Variants in NDUFAF6 observed in about 807,000 individuals in gnomAD.
NDUFAF6 encodes NADH dehydrogenase (ubiquinone) complex I, assembly factor 6.
A neutral mutation model predicts 40.8 loss-of-function variants in NDUFAF6; 45 were observed. The ratio of observed to expected loss-of-function variants is 1.10; its 90% confidence interval spans 0.87 to 1.42. The LOEUF is 1.42. Ranked by LOEUF, NDUFAF6 falls within the 40% of genes most tolerant of loss-of-function variation. NDUFAF6 has a pLI of 0.00. For synonymous variants in NDUFAF6, 185 were observed against 155.9 expected (o/e 1.19, Z -1.39); for missense variants, 435 against 418.5 (o/e 1.04, Z -0.34).
intron 2 of NDUFAF6, among the ~76,000 whole-genome samples, chr8:95,083,664 T>C (rs551238513): frequency 1.3e-5 from 2 of 152,346 alleles, no homozygotes; most frequent in African/African-American, 4.8e-5. Flanking sequence ...GCAGTAAATA[T>C]GTACTTCTTT....
At chr8:94,967,372 C>A (rs1824089929) in intron 1 of NDUFAF6, among the ~76,000 whole-genome samples, 1 of 152,298 alleles carries the variant, frequency 6.6e-6, no homozygotes, top group African/African-American at 2.4e-5. Flanking sequence ...TTGCACACAT[C>A]ATCCACAGCA....
chr8:95,075,401 C>G (rs764619190), intron 9 of NDUFAF6, among the ~76,000 whole-genome samples: 2 of 152,166 alleles, frequency 1.3e-5, no homozygotes, highest in Non-Finnish European at 2.9e-5. Flanking sequence ...TTCAGTCTGT[C>G]AGGTCACCAG....
chr8:95,109,671 A>G (rs1168610525), intron 4 of NDUFAF6, among the ~76,000 whole-genome samples: 1 of 152,092 alleles, frequency 6.6e-6, no homozygotes, highest in East Asian at 1.9e-4. Context: ...ATGACCCCAT[A>G]TCACTTTGAC....
chr8:95,045,311 G>C (rs977804878), intron 4 of NDUFAF6, among the ~76,000 whole-genome samples: 1 of 152,132 alleles, frequency 6.6e-6, no homozygotes, highest in Non-Finnish European at 1.5e-5. Context: ...AAAATGCCAT[G>C]TCCATGGTGA....
At chr8:94,940,058 A>G in intron 1 of NDUFAF6, 1 of 1,614,242 alleles carries the variant, frequency 6.2e-7, no homozygotes. Flanking sequence ...GCTCTCCTCC[A>G]TTGGACATGA....
At chr8:94,985,486 TATATATATATATATATATATATATATATA>T (rs1307587435) in intron 2 of NDUFAF6, among the ~76,000 whole-genome samples, 171 of 5,484 alleles carry the variant, frequency 0.031, 5 homozygotes, top group South Asian at 0.074. Flanking sequence ...TATATATATA[TATATATATATATATATATATATATATATA>T]TTTTTTTTTT....
At chr8:94,995,613 C>G (rs534706416) in intron 2 of NDUFAF6, among the ~76,000 whole-genome samples, 2 of 151,970 alleles carry the variant, frequency 1.3e-5, no homozygotes, top group Non-Finnish European at 2.9e-5. Flanking sequence ...AAAGAATGGC[C>G]GACTTTATTC....
intron 5 of NDUFAF6, 86 bp downstream of exon 5, chr8:95,045,733 G>C: frequency 2.8e-6 from 3 of 1,052,632 alleles, no homozygotes; most frequent in Non-Finnish European, 4.4e-6. Flanking sequence ...AATCTAACCA[G>C]TTTAGCACTA....
chr8:95,093,578 T>G (rs1191378151), intron 2 of NDUFAF6, among the ~76,000 whole-genome samples: 3 of 152,226 alleles, frequency 2.0e-5, no homozygotes, highest in Non-Finnish European at 4.4e-5. Context: ...AAAGATTTTT[T>G]TATCAGACCA....
chr8:95,032,638 G>C (rs1195596464), intron 2 of NDUFAF6, among the ~76,000 whole-genome samples: 1 of 152,166 alleles, frequency 6.6e-6, no homozygotes, highest in African/African-American at 2.4e-5. Flanking sequence ...AATTGGAATG[G>C]TGGATGGAGA....
intron 2 of NDUFAF6, among the ~76,000 whole-genome samples, chr8:95,082,777 A>G (rs1808915233): frequency 6.6e-6 from 1 of 151,636 alleles, no homozygotes; most frequent in Non-Finnish European, 1.5e-5. Flanking sequence ...CTCCTGCCTC[A>G]GCCTCCCAAG....
rs762093523 is a variant in NDUFAF6, at chr8:95,045,545, GA to G, written c.485del (p.Asn162IlefsTer27). On this transcript the variant is annotated frameshift_variant and splice_region_variant, in exon 5 of 9. Transcript: ENST00000396124. LOFTEE classifies it high-confidence loss of function. Reference sequence around the variant, plus strand: ...TTTATTTGCATTTTATTTGATGTAGGAAAAAAATCTGGATGACAAAGCATAT... The same window carrying G: ...TTTATTTGCATTTTATTTGATGTAGGAAAAAATCTGGATGACAAAGCATAT... Reference protein sequence around the residue: ...RWLMKIVDEREKNLDDKAYRN... With the variant: ...RWLMKIVDERXKNLDDKAYRN... 9 of 1,610,390 alleles carry G rather than the reference GA, an allele frequency of 5.6e-6. No homozygotes were observed. Among genetic ancestry groups the G allele is most frequent in the South Asian group, 3.3e-5 (3 of 90,956 alleles).
chr8:95,051,197 A>T (rs571107505), intron 7 of NDUFAF6, among the ~76,000 whole-genome samples: 1 of 152,222 alleles, frequency 6.6e-6, no homozygotes, highest in African/African-American at 2.4e-5. Context: ...ACAGAGGACC[A>T]GGGGCAGAAC....
At chr8:94,976,957 C>G (rs1360786357) in intron 1 of NDUFAF6, among the ~76,000 whole-genome samples, 2 of 151,740 alleles carry the variant, frequency 1.3e-5, no homozygotes, top group Non-Finnish European at 2.9e-5. Flanking sequence ...TTGAGATCAG[C>G]CTAGGAAACA....
At chr8:95,083,564 T>C (rs1808945351) in intron 2 of NDUFAF6, among the ~76,000 whole-genome samples, 1 of 152,222 alleles carries the variant, frequency 6.6e-6, no homozygotes, top group Non-Finnish European at 1.5e-5. Context: ...CTTTCTCAGA[T>C]AATGACTTTA....
intron 8 of NDUFAF6, among the ~76,000 whole-genome samples, chr8:95,053,992 GA>G (rs1423382116): frequency 7.2e-6 from 1 of 139,218 alleles, no homozygotes; most frequent in Non-Finnish European, 1.5e-5. Flanking sequence ...TCCCAGGTTG[GA>G]GTGCAGTGGT....
At chr8:94,935,740 G>A (rs1170482876) in intron 1 of NDUFAF6, among the ~76,000 whole-genome samples, 1 of 152,162 alleles carries the variant, frequency 6.6e-6, no homozygotes, top group Non-Finnish European at 1.5e-5. Context: ...CAATTAGATT[G>A]GAGAACATAA....
Position 95,003,431 on chromosome 8 carries a change from A to G in NDUFAF6, c.-84+22458A>G, listed in dbSNP as rs188527827. 1.4e-4 allele frequency among the ~76,000 whole-genome samples: 21 copies of G among 152,322 alleles called. No individual in the cohort carries two copies. In the East Asian group the frequency reaches 4.1e-3, roughly 29 times the overall value. On this transcript the variant is annotated intron_variant, in intron 2 of 9. Transcript: ENST00000396111. ...AAGCAATGGAGCTGTTTGTGGTCCA[A>G]TCTGGCTCAGTACTGGGTAGGTATA...
rs911182297 is a variant in NDUFAF6 at position 94,969,109 on chromosome 8, A to G, written c.-199+10930A>G. 8.5e-4 allele frequency among the ~76,000 whole-genome samples: 129 copies of G among 152,180 alleles called. 3 individuals are homozygous for G. The highest frequency in any genetic ancestry group is 2.6e-4 in the Non-Finnish European group (18 of 68,038). On this transcript the variant is annotated intron_variant, in intron 1 of 9. Coordinates refer to the NDUFAF6 transcript ENST00000396111. ...TTCCGATGAGAGGTGGAGGCTGGCA[A>G]TAGAAATTGGAGAGGCATCAGGATC...
Sources: gnomAD v4.1 joint callset for allele counts (sites outside exome capture counted in the v4.1 genomes callset) on GRCh38, gnomAD v4.1.1 for gene constraint, MANE v1.5 for transcripts, NCBI Gene and HGNC (gene_info 2026-07-23, HGNC 2026-07-21) for gene names.